Variants in FGGY observed in about 807,000 individuals in gnomAD.
FGGY encodes the protein FGGY carbohydrate kinase domain-containing protein.
Under a neutral mutation model 71.3 loss-of-function variants are expected in FGGY, and 72 were observed. That is an observed-to-expected ratio of 1.01 (90% CI 0.84 to 1.23). The LOEUF is 1.23. Among genes scored for constraint, FGGY ranks in the 50% most tolerant of loss-of-function variants. The pLI, the probability that FGGY is intolerant of heterozygous loss-of-function variation, is 0.00. For synonymous variants in FGGY, 251 were observed against 250.3 expected, an observed-to-expected ratio of 1.00 and a Z score of -0.02; for missense variants, 668 against 682.3, an observed-to-expected ratio of 0.98 and a Z score of 0.23.
intron 12 of FGGY, among the ~76,000 whole-genome samples, chr1:59,662,217 G>T (rs1422014886): frequency 1.3e-5 from 2 of 151,190 alleles, no homozygotes; most frequent in African/African-American, 4.9e-5. Context: ...CTACTCAGGA[G>T]GCTGAGGCAG....
At chr1:59,492,429 G>A (rs2093894722) in intron 6 of FGGY, among the ~76,000 whole-genome samples, 1 of 152,030 alleles carries the variant, frequency 6.6e-6, no homozygotes, top group African/African-American at 2.4e-5. Context: ...GTTTAGAAGG[G>A]GAAATCCTCT....
chr1:59,642,705 G>A (rs1294478740), intron 11 of FGGY, among the ~76,000 whole-genome samples: 8 of 150,954 alleles, frequency 5.3e-5, no homozygotes, highest in South Asian at 2.1e-4. Context: ...TCTAGTTAGC[G>A]TAAATGTTGA....
At chr1:59,619,795 C>G (rs1475582393) in intron 9 of FGGY, among the ~76,000 whole-genome samples, 1 of 152,018 alleles carries the variant, frequency 6.6e-6, no homozygotes, top group Non-Finnish European at 1.5e-5. Context: ...CTGCTGCCTA[C>G]TGTGTTGCTG....
intron 14 of FGGY, among the ~76,000 whole-genome samples, chr1:59,714,070 A>G (rs1198944209): frequency 6.6e-6 from 1 of 152,210 alleles, no homozygotes; most frequent in East Asian, 1.9e-4. Flanking sequence ...AAGGGTGATA[A>G]TATATCCAGG....
intron 5 of FGGY, among the ~76,000 whole-genome samples, chr1:59,394,246 T>C (rs1484542648): frequency 6.6e-6 from 1 of 152,202 alleles, no homozygotes; most frequent in Non-Finnish European, 1.5e-5. Flanking sequence ...GTATTTGTTT[T>C]TAAACTTTTT....
rs559795296 is a variant in FGGY, at chr1:59,601,994, C to T, written c.904-5809C>T. 2.6e-5 allele frequency among the ~76,000 whole-genome samples: 4 copies of T among 152,300 alleles called. No homozygotes were observed. The East Asian group carries it at 7.7e-4, about 29-fold the overall frequency. On this transcript the variant is annotated intron_variant, in intron 8 of 15. Coordinates refer to ENST00000303721, the MANE Select transcript of FGGY (RefSeq NM_018291.5). ...GCCCCAGGAGTTAGCCCAAGACAAT[C>T]CCATGAAGCCCAGGCCATGTGAGGG...
intron 5 of FGGY, among the ~76,000 whole-genome samples, chr1:59,429,750 G>A (rs186099736): frequency 6.6e-6 from 1 of 152,250 alleles, no homozygotes; most frequent in African/African-American, 2.4e-5. Context: ...ATTTTACTCT[G>A]TGCTAATAAA....
intron 10 of FGGY, among the ~76,000 whole-genome samples, chr1:59,634,510 A>G (rs938877510): frequency 2.4e-4 from 37 of 152,292 alleles, no homozygotes; most frequent in African/African-American, 8.9e-4. Context: ...ATATTTTGTT[A>G]TACCATGTAT....
intron 7 of FGGY, among the ~76,000 whole-genome samples, chr1:59,517,499 T>C (rs1020585699): frequency 6.6e-6 from 1 of 152,020 alleles, no homozygotes; most frequent in African/African-American, 2.4e-5. Flanking sequence ...TCTCCTGACC[T>C]CGTGATCCGC....
At chr1:59,729,361 G>C (rs1214197253) in intron 14 of FGGY, among the ~76,000 whole-genome samples, 1 of 152,088 alleles carries the variant, frequency 6.6e-6, no homozygotes, top group East Asian at 1.9e-4. Context: ...TGTTATATCT[G>C]AGTTGGGTTC....
rs954935532 is a variant in FGGY, at chr1:59,303,186, A to G, written c.-15+6036A>G. Among the ~76,000 whole-genome samples the G allele has an allele frequency of 5.9e-5, 9 of 152,318 alleles. No homozygotes were observed. In the East Asian group the frequency reaches 1.7e-3, roughly 29 times the overall value. ...ATTTTAAGTATACAGTAAATTATCA[A>G]CTGTAATCACTATGTTGTACATTAG... On this transcript the variant is annotated intron_variant, in intron 1 of 15. Coordinates refer to ENST00000303721, the MANE Select transcript of FGGY (RefSeq NM_018291.5).
intron 1 of FGGY, among the ~76,000 whole-genome samples, chr1:59,307,313 CAAAAAAA>C (rs398049311): frequency 7.4e-5 from 5 of 67,380 alleles, no homozygotes; most frequent in Non-Finnish European, 1.5e-4. Flanking sequence ...GACCCTGTCT[CAAAAAAA>C]AAAAAAAAAA....
At chr1:59,377,706 G>T (rs1057390786) in intron 4 of FGGY, among the ~76,000 whole-genome samples, 3 of 152,042 alleles carry the variant, frequency 2.0e-5, no homozygotes. Flanking sequence ...ATTTCCAGGA[G>T]ATCCTGGAAA....
At chr1:59,414,429 A>G (rs954938511) in intron 5 of FGGY, among the ~76,000 whole-genome samples, 1 of 152,154 alleles carries the variant, frequency 6.6e-6, no homozygotes, top group Admixed American at 6.5e-5. Context: ...TCACATAAGG[A>G]TAGCTGCTCT....
chr1:59,423,221 C>G (rs528855017), intron 5 of FGGY, among the ~76,000 whole-genome samples: 1 of 152,310 alleles, frequency 6.6e-6, no homozygotes, highest in South Asian at 2.1e-4. Flanking sequence ...AAGCCTTTGT[C>G]TCTGCTCAGA....
intron 1 of FGGY, among the ~76,000 whole-genome samples, chr1:59,298,302 G>A (rs574429119): frequency 6.6e-6 from 1 of 152,218 alleles, no homozygotes; most frequent in East Asian, 1.9e-4. Flanking sequence ...CTAGTGGGAG[G>A]CCCAGAGCAC....
At chr1:59,755,388 G>A (rs1272054510) in intron 14 of FGGY, 3 of 152,160 alleles carry the variant, frequency 2.0e-5, no homozygotes, top group Non-Finnish European at 4.4e-5. Context: ...GGCGCTCACA[G>A]TCTAGTTGGG....
At chr1:59,755,165 C>T (rs367935013) in intron 14 of FGGY, 14 of 152,186 alleles carry the variant, frequency 9.2e-5, no homozygotes, top group African/African-American at 3.1e-4. Flanking sequence ...TCCTCAGGCA[C>T]CCTTCTTGCA....
intron 8 of FGGY, among the ~76,000 whole-genome samples, chr1:59,584,896 T>C (rs181544361): frequency 7.0e-6 from 1 of 142,240 alleles, no homozygotes; most frequent in East Asian, 2.0e-4. Context: ...GAGAGCCAAA[T>C]CTTGAGTGAA....
Sources: gnomAD v4.1 joint callset for allele counts (sites outside exome capture counted in the v4.1 genomes callset) on GRCh38, gnomAD v4.1.1 for gene constraint, MANE v1.5 for transcripts, NCBI Gene and HGNC (gene_info 2026-07-23, HGNC 2026-07-21) for gene names.